Variants in NAA16 observed in about 807,000 individuals in gnomAD.
The protein encoded by NAA16 is NARG1-like protein.
In NAA16, 97 loss-of-function variants were observed where a neutral mutation model predicts 110.3. The ratio of observed to expected loss-of-function variants is 0.88; its 90% confidence interval spans 0.75 to 1.04. The LOEUF (loss-of-function observed/expected upper bound fraction) is 1.04, where lower values mean the gene tolerates loss of function less well. Among genes scored for constraint, NAA16 ranks in the 50% least tolerant of loss-of-function variants. The pLI is 0.00. For synonymous variants in NAA16, 372 were observed against 330.6 expected (o/e 1.13, Z -1.36); for missense variants, 1,017 against 1,005.1 (o/e 1.01, Z -0.16).
intron 3 of NAA16, among the ~76,000 whole-genome samples, chr13:41,320,100 T>C (rs1279392743): frequency 6.6e-6 from 1 of 152,210 alleles, no homozygotes; most frequent in African/African-American, 2.4e-5. Flanking sequence ...GATAGTTTTG[T>C]GGGGCTTTTG....
chr13:41,351,632 T>C (rs80335420), intron 9 of NAA16, among the ~76,000 whole-genome samples: 4,064 of 152,328 alleles, frequency 0.027, 75 homozygotes, highest in Middle Eastern at 0.054. Context: ...TAGGAAATTA[T>C]AACAGTTATG....
Position 41,376,213 on chromosome 13 carries a change from T to G in NAA16, c.*611T>G, listed in dbSNP as rs1023076879. 1 of 152,572 alleles carries G rather than the reference T, an allele frequency of 6.6e-6. No individual in the cohort carries two copies. The highest frequency in any genetic ancestry group is 2.4e-5 in the African/African-American group (1 of 41,420). The allele number at this position is 152,572 out of a possible 1,614,324, so 9.5% of individuals were successfully genotyped here. A position where few individuals can be genotyped will look rare whatever the true frequency, so the allele number is the denominator to read the frequency against. ...CTGAGGCCGGAGAATCGCTTGAACC[T>G]GGGAGGTGGAGGTTGCAGTGAGCCG... On this transcript the variant is annotated 3_prime_UTR_variant, in exon 20 of 20. Transcript: ENST00000379406.
chr13:41,340,519 G>A (rs577791103), intron 9 of NAA16, among the ~76,000 whole-genome samples: 1 of 152,008 alleles, frequency 6.6e-6, no homozygotes, highest in African/African-American at 2.4e-5. Flanking sequence ...AGAGATCGTG[G>A]TATGTTTTGT....
chr13:41,357,549 G>T (rs1396427971), intron 10 of NAA16, among the ~76,000 whole-genome samples: 2 of 152,160 alleles, frequency 1.3e-5, no homozygotes, highest in East Asian at 3.8e-4. Context: ...CATGTCATTT[G>T]ATCAGCTATG....
intron 18 of NAA16, 162 bp from the exon 19 acceptor site, chr13:41,374,580 G>C: frequency 1.9e-6 from 1 of 539,746 alleles, no homozygotes; most frequent in South Asian, 2.5e-5. Context: ...ATAGGAGGTA[G>C]GGAAGAAATG....
chr13:41,344,496 G>A (rs1289655788), intron 9 of NAA16, among the ~76,000 whole-genome samples: 1 of 152,134 alleles, frequency 6.6e-6, no homozygotes, highest in Admixed American at 6.5e-5. Flanking sequence ...TTTGATTGTC[G>A]CTGCAGTGAG....
At chr13:41,373,550 G>A (rs1384720357) in intron 17 of NAA16, 87 bp from the exon 18 acceptor site, 33 of 1,412,042 alleles carry the variant, frequency 2.3e-5, no homozygotes, top group South Asian at 3.0e-5. Flanking sequence ...GAGCCACCGC[G>A]CCCAGCCATA....
Position 41,367,531 on chromosome 13 carries a change from A to G in NAA16, c.1632A>G (p.Leu544=), listed in dbSNP as rs2043230402. 1 of 1,613,280 alleles carries G rather than the reference A, an allele frequency of 6.2e-7. No individual in the cohort carries two copies. ...GTGCCTATGTTGACCTTTTGAGATT[A>G]GAAGATATACTCAGAAGACATGCCT... ...TLRAYVDLLR[L]EDILRRHAFY... is the part of the protein sequence containing the mutation. Residue 544 remains leucine, a synonymous_variant, in exon 14 of 20, where the codon TTA becomes TTG. Transcript: ENST00000379406.
intron 9 of NAA16, among the ~76,000 whole-genome samples, chr13:41,350,614 T>A (rs1450182017): frequency 2.7e-4 from 5 of 18,668 alleles, no homozygotes; most frequent in African/African-American, 6.4e-4. Context: ...TTTGTTTTTT[T>A]TTTTTGTTTG....
intron 9 of NAA16, among the ~76,000 whole-genome samples, chr13:41,346,935 T>C (rs1417398114): frequency 6.6e-6 from 1 of 152,110 alleles, no homozygotes; most frequent in East Asian, 1.9e-4. Flanking sequence ...TTAGGAAGTG[T>C]GAGCCGGGCG....
rs1268288759 is a variant in NAA16 at position 41,372,289 on chromosome 13, A to T, written c.2034A>T (p.Ala678=). Residue 678 remains alanine (A), a synonymous_variant, in exon 16 of 20, where the codon GCA becomes GCT. Coordinates refer to ENST00000379406, the MANE Select transcript of NAA16 (RefSeq NM_024561.5). ...VADNIDTHLL[A]FEIYFRKGKF... The stretch of plus-strand genomic sequence containing the variant: ...ATAACATTGACACTCATCTGTTAGC[A>T]TTTGAAATATATTTTAGAAAAGGTA... 1.3e-6 allele frequency: 2 copies of T among 1,595,642 alleles called. No homozygotes were observed. The highest frequency in any genetic ancestry group is 2.3e-5 in the East Asian group (1 of 43,958).
At chr13:41,316,305 ATTTTTTT>A (rs993030515) in intron 1 of NAA16, among the ~76,000 whole-genome samples, 3 of 103,894 alleles carry the variant, frequency 2.9e-5, no homozygotes, top group Non-Finnish European at 6.2e-5. Flanking sequence ...AATTTTTGTA[ATTTTTTT>A]TTTTTTTTTT....
In NAA16 at chr13:41,328,790, G is replaced by A; in HGVS notation, c.758G>A (p.Arg253Gln). 6.2e-7 allele frequency: 1 copy of A among 1,606,432 alleles called. No individual in the cohort carries two copies. Residue 253 changes from arginine to glutamine, a missense_variant, in exon 7 of 20, where the codon CGA (arginine) becomes CAA (glutamine). Physicochemically the swap from Arg to Gln is conservative, Grantham distance 43 (BLOSUM62 1). Coordinates refer to ENST00000379406, the MANE Select transcript of NAA16 (RefSeq NM_024561.5). ...GAAGTGTTCAAAAACTTGATTGATC[G>A]AAATGCAGAAAATTGGTGTTATTAT... Reference protein sequence around the residue: ...ASEVFKNLIDRNAENWCYYEG... With the variant: ...ASEVFKNLIDQNAENWCYYEG...
In NAA16 at chr13:41,376,783, T is replaced by C. The variant is rs937874306; in HGVS notation, c.*1181T>C. The C allele has an allele frequency of 2.6e-5, 4 of 152,238 alleles. No homozygotes were observed. The highest frequency in any genetic ancestry group is 1.3e-4 in the Admixed American group (2 of 15,284). The allele number at this position is 152,238 out of a possible 1,614,324, so 9.4% of individuals were successfully genotyped here. On this transcript the variant is annotated 3_prime_UTR_variant, in exon 20 of 20. Coordinates refer to ENST00000379406, the MANE Select transcript of NAA16 (RefSeq NM_024561.5). ...TATTTTTTGGGGGCGGGTGGATAGC[T>C]TTTTGTTCTATCTTGTACAGAAAAC... is the stretch of plus-strand genomic sequence containing the variant.
At chr13:41,337,326 G>A (rs1261425976) in intron 9 of NAA16, among the ~76,000 whole-genome samples, 1 of 152,000 alleles carries the variant, frequency 6.6e-6, no homozygotes, top group Non-Finnish European at 1.5e-5. Flanking sequence ...GGCAGATCGC[G>A]AGGTCAGGAA....
intron 5 of NAA16, among the ~76,000 whole-genome samples, chr13:41,325,097 A>G (rs1362770771): frequency 6.6e-6 from 1 of 151,288 alleles, no homozygotes; most frequent in African/African-American, 2.4e-5. Flanking sequence ...AGCTGGGATT[A>G]CAGGCATGTG....
At chr13:41,360,502 A>G (rs1242870497) in intron 12 of NAA16, among the ~76,000 whole-genome samples, 1 of 152,184 alleles carries the variant, frequency 6.6e-6, no homozygotes, top group East Asian at 1.9e-4. Flanking sequence ...GAGAATGAGA[A>G]AGAAGGTGAG....
intron 11 of NAA16, 77 bp downstream of exon 11, chr13:41,358,550 GA>G: frequency 6.4e-7 from 1 of 1,568,368 alleles, no homozygotes; most frequent in East Asian, 2.3e-5. Flanking sequence ...TTTCTTTGTG[GA>G]AACAAGTTCT....
At chr13:41,329,400 T>G (rs1430846481) in intron 7 of NAA16, among the ~76,000 whole-genome samples, 1 of 151,898 alleles carries the variant, frequency 6.6e-6, no homozygotes, top group Non-Finnish European at 1.5e-5. Context: ...TTTTCATAAT[T>G]AAGTGTTGGC....
Sources: gnomAD v4.1 joint callset for allele counts (sites outside exome capture counted in the v4.1 genomes callset) on GRCh38, gnomAD v4.1.1 for gene constraint, MANE v1.5 for transcripts, NCBI Gene and HGNC (gene_info 2026-07-23, HGNC 2026-07-21) for gene names.